Variants in MPRIP observed in about 807,000 individuals in gnomAD.
The protein encoded by MPRIP is myosin phosphatase Rho-interacting protein.
Under a neutral mutation model 234.9 loss-of-function variants are expected in MPRIP, and 59 were observed. The observed-to-expected ratio is 0.25, with a 90% confidence interval of 0.20 to 0.31. The LOEUF is 0.31. Among genes scored for constraint, MPRIP ranks in the 10% least tolerant of loss-of-function variants. The pLI, the probability that MPRIP is intolerant of heterozygous loss-of-function variation, is 1.00. For missense variants in MPRIP, 2,436 were observed against 3,071.0 expected, an observed-to-expected ratio of 0.79 and a Z score of 4.89; for synonymous variants, 1,144 against 1,263.9, an observed-to-expected ratio of 0.91 and a Z score of 2.01.
chr17:17,087,677 A>G (rs1257645866), intron 3 of MPRIP, among the ~76,000 whole-genome samples: 4 of 152,224 alleles, frequency 2.6e-5, no homozygotes, highest in Non-Finnish European at 5.9e-5. Flanking sequence ...CTCCCTCTAC[A>G]GGACGGTGAG....
chr17:17,171,548 C>T, intron 16 of MPRIP, 170 bp from the exon 17 acceptor site: 3 of 740,276 alleles, frequency 4.1e-6, no homozygotes, highest in Non-Finnish European at 6.7e-6. Flanking sequence ...CTGAGAATCC[C>T]CAGACAGCCC....
At chr17:17,096,124 C>G (rs975975776) in intron 3 of MPRIP, among the ~76,000 whole-genome samples, 1 of 152,128 alleles carries the variant, frequency 6.6e-6, no homozygotes, top group Non-Finnish European at 1.5e-5. Context: ...CGCAGCCTGT[C>G]GACACGTGTT....
In MPRIP at chr17:17,114,542, T is replaced by C. The variant is rs1260090843; in HGVS notation, c.268-12160T>C. On this transcript the variant is annotated intron_variant, in intron 3 of 23. Coordinates refer to ENST00000651222, the MANE Select transcript of MPRIP (RefSeq NM_001364716.4). ...TCTTCTGTGCATTTTATAGCCTTTGTTCTTGCATTGAGGTATCTGCTCCAT... is the reference window on the plus strand; with the variant it reads ...TCTTCTGTGCATTTTATAGCCTTTGCTCTTGCATTGAGGTATCTGCTCCAT... Among the ~76,000 whole-genome samples the C allele has an allele frequency of 4.6e-5, 7 of 152,260 alleles. No individual in the cohort carries two copies. In the South Asian group the frequency reaches 8.3e-4, roughly 18 times the overall value.
At chr17:17,175,560 G>C in intron 20 of MPRIP, 148 bp downstream of exon 20, 2 of 1,149,008 alleles carry the variant, frequency 1.7e-6, no homozygotes, top group Non-Finnish European at 2.4e-6. Flanking sequence ...CAAATCACCC[G>C]AAGGCGGCGA....
intron 3 of MPRIP, among the ~76,000 whole-genome samples, chr17:17,094,808 C>T (rs922850394): frequency 2.6e-5 from 4 of 151,848 alleles, no homozygotes; most frequent in African/African-American, 9.7e-5. Context: ...ATGGGGGTAT[C>T]GCCATGTTTC....
chr17:17,185,600 G>T lies in MPRIP; in HGVS notation c.*706G>T, dbSNP rs770954999. ...CCTTCCTTCCTTCCTTCCTTCCTCC[G>T]CTCGTTCCTTTCTTGGTCTCCAGTA... On this transcript the variant is annotated 3_prime_UTR_variant, in exon 24 of 24. Transcript: ENST00000651222. 2.3e-6 allele frequency: 1 copy of T among 429,836 alleles called. No homozygotes were observed. The highest frequency in any genetic ancestry group is 1.7e-5 in the South Asian group (1 of 57,634). The allele number at this position is 429,836 out of a possible 1,614,324, so 26.6% of individuals were successfully genotyped here.
intron 3 of MPRIP, among the ~76,000 whole-genome samples, chr17:17,105,388 C>T (rs1418512074): frequency 6.6e-6 from 1 of 152,152 alleles, no homozygotes; most frequent in African/African-American, 2.4e-5. Context: ...TTTCTACATC[C>T]ATACTCCTAG....
chr17:17,112,404 A>C (rs76440905), intron 3 of MPRIP, among the ~76,000 whole-genome samples: 5,855 of 152,266 alleles, frequency 0.038, 332 homozygotes, highest in African/African-American at 0.12. Context: ...CCGTATCATG[A>C]AGTCTGTGGC....
In MPRIP at chr17:17,078,625, T is replaced by TC. The variant is rs1203930933; in HGVS notation, c.267+553dup. Among the ~76,000 whole-genome samples the TC allele has an allele frequency of 6.6e-6, 1 of 152,202 alleles. No individual in the cohort carries two copies. ...ACCAGGCAGACAGGCTTCTTCCTCC[T>TC]CCCCACCTCCCTGGTTTTCCAGTTG... On this transcript the variant is annotated intron_variant, in intron 3 of 23. Transcript: ENST00000651222. The surrounding 1 kb of genome is among the most constrained non-coding windows in gnomAD (Gnocchi z 4.3).
At chr17:17,083,603 T>C (rs2089516765) in intron 3 of MPRIP, among the ~76,000 whole-genome samples, 1 of 152,242 alleles carries the variant, frequency 6.6e-6, no homozygotes, top group South Asian at 2.1e-4. Context: ...CTCTCCCTTT[T>C]CTGCAGCTGA....
intron 5 of MPRIP, among the ~76,000 whole-genome samples, chr17:17,132,196 C>T (rs1435367856): frequency 6.6e-6 from 1 of 152,178 alleles, no homozygotes; most frequent in African/African-American, 2.4e-5. Context: ...CCTCAAGGCC[C>T]AGTCCTTCCC....
At chr17:17,142,792 TC>T (rs1288706530) in intron 8 of MPRIP, 27 bp downstream of exon 8, 11 of 1,607,970 alleles carry the variant, frequency 6.8e-6, no homozygotes, top group Non-Finnish European at 9.3e-6. Flanking sequence ...GGGCAGCACC[TC>T]AGGGGTGGCT....
intron 7 of MPRIP, chr17:17,141,830 C>T (rs1454960537): frequency 6.5e-6 from 1 of 152,830 alleles, no homozygotes; most frequent in Non-Finnish European, 1.5e-5. Flanking sequence ...CGTCCCCCAC[C>T]TCTGACCCCA....
chr17:17,175,166 G>A lies in MPRIP; in HGVS notation c.6751-127G>A, dbSNP rs913417841. 71 of 1,374,340 alleles carry A rather than the reference G, an allele frequency of 5.2e-5. No homozygotes were observed. The African/African-American group carries it at 7.7e-4, about 15-fold the overall frequency. The allele number at this position is 1,374,340 out of a possible 1,614,324, so 85.1% of individuals were successfully genotyped here. ...TGACAGAAAGGAATTAAGGGTTATC[G>A]ATTGGATCCTGCCTACGCAGTTCCA... On this transcript the variant is annotated intron_variant, in intron 19 of 23. Coordinates refer to ENST00000651222, the MANE Select transcript of MPRIP (RefSeq NM_001364716.4).
At chr17:17,100,251 G>T (rs918324281) in intron 3 of MPRIP, among the ~76,000 whole-genome samples, 57 of 152,216 alleles carry the variant, frequency 3.7e-4, no homozygotes, top group Admixed American at 3.5e-3. Context: ...TGCCCTTCCT[G>T]AATCACCAAG....
chr17:17,181,154 C>G (rs889740472), intron 23 of MPRIP, among the ~76,000 whole-genome samples: 4 of 151,912 alleles, frequency 2.6e-5, no homozygotes, highest in African/African-American at 9.7e-5. Flanking sequence ...TTCAGAAGAG[C>G]GTGATAACTA....
At chr17:17,143,309 G>A (rs1170823187) in intron 8 of MPRIP, among the ~76,000 whole-genome samples, 9 of 152,194 alleles carry the variant, frequency 5.9e-5, no homozygotes, top group Admixed American at 5.9e-4. Flanking sequence ...TGGAGGATGG[G>A]GTGGGGCCAG....
rs564850280 is a variant in MPRIP, at chr17:17,145,561, C to T, written c.1504-475C>T. Among the ~76,000 whole-genome samples, 130 of 152,350 alleles carry T rather than the reference C, an allele frequency of 8.5e-4. 1 individual carries two copies. The highest frequency in any genetic ancestry group is 3.0e-3 in the African/African-American group (123 of 41,570). ...TGGAGAAATGGCCTGAGGGTCTCAG[C>T]GGGGCTGCAGCTGCTGCTTCCTCAA... On this transcript the variant is annotated intron_variant, in intron 9 of 23. Coordinates refer to ENST00000651222, the MANE Select transcript of MPRIP (RefSeq NM_001364716.4).
chr17:17,136,482 G>C, intron 6 of MPRIP, 32 bp downstream of exon 6: 2 of 1,580,992 alleles, frequency 1.3e-6, no homozygotes, highest in Non-Finnish European at 1.7e-6. Context: ...TTGTATGCAC[G>C]GGAATGGCCC....
Sources: allele counts gnomAD v4.1 joint callset (sites outside exome capture counted in the v4.1 genomes callset), GRCh38; gene constraint gnomAD v4.1.1; non-coding constraint Gnocchi (gnomAD v3.1); transcripts MANE v1.5; gene names NCBI Gene and HGNC (gene_info 2026-07-23, HGNC 2026-07-21).